The following LPP variants were observed in gnomAD, a reference collection of about 807,000 sequenced individuals.
LPP encodes the protein lipoma-preferred partner.
A neutral mutation model predicts 60.4 loss-of-function variants in LPP; 38 were observed. The observed-to-expected ratio is 0.63, with a 90% CI of 0.49 to 0.83. The LOEUF (loss-of-function observed/expected upper bound fraction) is 0.83. LPP is among the 40% of genes least tolerant of loss of function. LPP has a pLI of 0.00. For synonymous variants in LPP, 328 were observed against 290.8 expected, an observed-to-expected ratio of 1.13 and a Z score of -1.30; for missense variants, 902 against 783.6, an observed-to-expected ratio of 1.15 and a Z score of -1.80.
chr3:188,420,729 A>G (rs1787568245), intron 4 of LPP, among the ~76,000 whole-genome samples: 1 of 152,150 alleles, frequency 6.6e-6, no homozygotes, highest in African/African-American at 2.4e-5. Flanking sequence ...AGCCAGTTAT[A>G]TTGTTGCTGC....
chr3:188,813,171 A>T (rs966973339), intron 9 of LPP, among the ~76,000 whole-genome samples: 2 of 152,222 alleles, frequency 1.3e-5, no homozygotes, highest in Admixed American at 6.5e-5. Flanking sequence ...TGGTCTTTGA[A>T]TAATATAAAT....
chr3:188,557,638 G>A (rs916615337), intron 6 of LPP, among the ~76,000 whole-genome samples: 1 of 152,040 alleles, frequency 6.6e-6, no homozygotes, highest in Non-Finnish European at 1.5e-5. Flanking sequence ...TCTCTGTGTA[G>A]TCCATGCCAC....
At chr3:188,275,968 C>T (rs1739527572) in intron 2 of LPP, among the ~76,000 whole-genome samples, 1 of 152,178 alleles carries the variant, frequency 6.6e-6, no homozygotes, top group Non-Finnish European at 1.5e-5. Context: ...GGTACCGCGC[C>T]CAGCCTCCAG....
At chr3:188,566,727 G>A (rs1490486932) in intron 6 of LPP, among the ~76,000 whole-genome samples, 6 of 151,702 alleles carry the variant, frequency 4.0e-5, no homozygotes, top group Non-Finnish European at 7.4e-5. Context: ...TCATGCTTTG[G>A]GATATGATGC....
Position 188,876,405 on chromosome 3 carries a change from A to T in LPP, c.*1926A>T, listed in dbSNP as rs1769260407. On this transcript the variant is annotated 3_prime_UTR_variant, in exon 12 of 12. Transcript: ENST00000617246. ...TAGCTTTTAAGAGCTTCCTTTGACC[A>T]CTGTCTTTTTCTTACCCTAGTTCTC... The T allele has an allele frequency of 5.2e-6, 1 of 192,768 alleles. No individual in the cohort carries two copies. The highest frequency in any genetic ancestry group is 1.9e-4 in the South Asian group (1 of 5,184). The allele number at this position is 192,768 out of a possible 1,614,324, so 11.9% of individuals were successfully genotyped here.
intron 5 of LPP, among the ~76,000 whole-genome samples, chr3:188,493,951 T>C (rs546618152): frequency 6.6e-6 from 1 of 152,322 alleles, no homozygotes; most frequent in South Asian, 2.1e-4. Flanking sequence ...TGCTTTTGAC[T>C]TATAAATGCT....
chr3:188,317,611 T>C (rs144428747), intron 2 of LPP, among the ~76,000 whole-genome samples: 1 of 152,340 alleles, frequency 6.6e-6, no homozygotes, highest in African/African-American at 2.4e-5. Flanking sequence ...GAAATCACTT[T>C]TCCATTATTG....
At chr3:188,662,872 C>T (rs935583211) in intron 7 of LPP, among the ~76,000 whole-genome samples, 2 of 152,230 alleles carry the variant, frequency 1.3e-5, no homozygotes, top group Non-Finnish European at 2.9e-5. Flanking sequence ...ATAGCAGATG[C>T]AATGCATTAT....
chr3:188,657,212 T>C (rs1853412047), intron 7 of LPP, among the ~76,000 whole-genome samples: 1 of 145,116 alleles, frequency 6.9e-6, no homozygotes, highest in African/African-American at 2.5e-5. Context: ...ATGCACATTC[T>C]TTGTAATACT....
chr3:188,468,492 C>T (rs963949711), intron 4 of LPP, among the ~76,000 whole-genome samples: 3 of 152,092 alleles, frequency 2.0e-5, no homozygotes, highest in Non-Finnish European at 4.4e-5. Context: ...TGTAGACTAG[C>T]GGACCTCTTT....
rs559643361 is a variant in LPP, at chr3:188,154,826, A to G, written c.-190+574A>G. On this transcript the variant is annotated intron_variant, in intron 1 of 11. Transcript: ENST00000617246. ...GGAACTCAGTTGAACCTGGGAGTCA[A>G]ACCTGGCCTAGGGTAGAAAATGCTA... 3.7e-4 allele frequency among the ~76,000 whole-genome samples: 56 copies of G among 152,348 alleles called. 1 individual carries two copies. The South Asian group carries it at 0.011, about 30-fold the overall frequency.
chr3:188,850,399 C>T (rs973999699), intron 9 of LPP, among the ~76,000 whole-genome samples: 5 of 151,858 alleles, frequency 3.3e-5, no homozygotes, highest in Admixed American at 6.6e-5. Flanking sequence ...CTAATTGGTT[C>T]GGGGTAAAGG....
intron 6 of LPP, among the ~76,000 whole-genome samples, chr3:188,532,726 TC>T (rs1822526997): frequency 6.6e-6 from 1 of 152,012 alleles, no homozygotes; most frequent in South Asian, 2.1e-4. Context: ...TACACTCCAT[TC>T]CCCCTTTTCA....
Position 188,804,243 on chromosome 3 carries a change from T to TTTTATATATATATATATA in LPP, c.1410+43962_1410+43963insTTATATATATATATATAT, listed in dbSNP as rs1322626096. Among the ~76,000 whole-genome samples the TTTTATATATATATATATA allele has an allele frequency of 2.4e-4, 9 of 37,698 alleles. 1 individual carries two copies. The highest frequency in any genetic ancestry group is 1.0e-3 in the African/African-American group (9 of 8,816). 24.7% of individuals were successfully genotyped at this position (37,698 alleles called of 152,430 possible). On this transcript the variant is annotated intron_variant, in intron 9 of 11. Transcript: ENST00000617246. ...ATTATGTTTTCAATGTAGTGCATCT[T>TTTTATATATATATATATA]TATATATATATATATATATATATAT...
chr3:188,490,260 T>C (rs1446319493), intron 5 of LPP, among the ~76,000 whole-genome samples: 1 of 152,208 alleles, frequency 6.6e-6, no homozygotes. Flanking sequence ...ACATGAGCTA[T>C]GCCCAGAATT....
intron 2 of LPP, among the ~76,000 whole-genome samples, chr3:188,231,032 A>G (rs1309085066): frequency 6.6e-6 from 1 of 152,046 alleles, no homozygotes; most frequent in Non-Finnish European, 1.5e-5. Flanking sequence ...AGGGCTCTCT[A>G]TAGGGCAGCT....
intron 1 of LPP, chr3:188,180,455 A>T (rs910138445): frequency 1.9e-5 from 3 of 154,420 alleles, no homozygotes; most frequent in Admixed American, 1.3e-4. Flanking sequence ...TGTCTGGGGA[A>T]TGTTCTGTCT....
intron 7 of LPP, among the ~76,000 whole-genome samples, chr3:188,619,275 T>G (rs1000290029): frequency 1.3e-5 from 2 of 152,218 alleles, no homozygotes; most frequent in African/African-American, 4.8e-5. Context: ...TCCACTCACC[T>G]TGGCCTCCCA....
chr3:188,203,243 T>G (rs1460078958), intron 1 of LPP, among the ~76,000 whole-genome samples: 2 of 128,746 alleles, frequency 1.6e-5, no homozygotes, highest in Non-Finnish European at 3.1e-5. Context: ...ATATATTTTA[T>G]ATTAATATAG....
Sources: allele counts gnomAD v4.1 joint callset (sites outside exome capture counted in the v4.1 genomes callset), GRCh38; gene constraint gnomAD v4.1.1; transcripts MANE v1.5; gene names NCBI Gene and HGNC (gene_info 2026-07-23, HGNC 2026-07-21).